ZNF506: variants seen among roughly 807,000 people sequenced by gnomAD.
ZNF506 encodes zinc finger protein 506.
A neutral mutation model predicts 11.6 loss-of-function variants in ZNF506; 10 were observed. The observed-to-expected ratio is 0.86, with a 90% CI of 0.53 to 1.46. The LOEUF is 1.46. ZNF506 is among the 40% of genes most tolerant of loss of function. The pLI, the probability that ZNF506 is intolerant of heterozygous loss-of-function variation, is 0.00. For synonymous variants in ZNF506, 156 were observed against 173.3 expected (o/e 0.90, Z 0.78); for missense variants, 425 against 521.2 (o/e 0.82, Z 1.80).
intron 3 of ZNF506, among the ~76,000 whole-genome samples, chr19:19,802,204 CA>C (rs34663133): frequency 0.26 from 25,388 of 97,448 alleles, 2,066 homozygotes; most frequent in East Asian, 0.35. Flanking sequence ...GACTCTATCT[CA>C]AAAAAAAAAA....
chr19:19,808,171 C>G (rs560141181), intron 1 of ZNF506, among the ~76,000 whole-genome samples: 1 of 124,292 alleles, frequency 8.0e-6, no homozygotes, highest in African/African-American at 3.2e-5. Flanking sequence ...TCGCCCAGGC[C>G]GGAGTGCAGT....
chr19:19,801,850 A>G (rs1319427263), intron 3 of ZNF506, among the ~76,000 whole-genome samples: 1 of 151,766 alleles, frequency 6.6e-6, no homozygotes, highest in Non-Finnish European at 1.5e-5. Context: ...CAAAACAATA[A>G]TAAGAGAAAT....
chr19:19,808,978 A>G (rs182146683), intron 1 of ZNF506, among the ~76,000 whole-genome samples: 1 of 152,146 alleles, frequency 6.6e-6, no homozygotes, highest in East Asian at 1.9e-4. Flanking sequence ...TCTCTTAATA[A>G]TTTTTTTCAG....
chr19:19,804,922 G>A (rs1383079158), intron 3 of ZNF506, among the ~76,000 whole-genome samples: 5 of 151,954 alleles, frequency 3.3e-5, no homozygotes, highest in Non-Finnish European at 5.9e-5. Flanking sequence ...ATCACACACC[G>A]GGGCCTGTCA....
rs757160026 is a variant in ZNF506 at position 19,808,108 on chromosome 19, C to CTTTTTTTTTTTTTTTTTTT, written c.4-1059_4-1041dup. On this transcript the variant is annotated intron_variant, in intron 1 of 3. Coordinates refer to ENST00000540806, the MANE Select transcript of ZNF506 (RefSeq NM_001099269.3). ...ACTTAACCAAGTGAATCATTAACCA[C>CTTTTTTTTTTTTTTTTTTT]TTTTTTTTTTTTTTTTTTTTTTTTT... Among the ~76,000 whole-genome samples, 9 of 56,728 alleles carry CTTTTTTTTTTTTTTTTTTT rather than the reference C, an allele frequency of 1.6e-4. 1 individual carries two copies. The highest frequency in any genetic ancestry group is 2.1e-4 in the Non-Finnish European group (7 of 32,912). 37.2% of individuals were successfully genotyped at this position (56,728 alleles called of 152,430 possible).
rs141767195 is a variant in ZNF506, at chr19:19,810,554, A to T, written c.4-3486T>A. Among the ~76,000 whole-genome samples the T allele has an allele frequency of 9.4e-3, 1,431 of 152,200 alleles. 11 individuals carry two copies. Among genetic ancestry groups the T allele is most frequent in the South Asian group, 0.03 (142 of 4,808 alleles). On this transcript the variant is annotated intron_variant, in intron 1 of 3. Coordinates refer to ENST00000540806, the MANE Select transcript of ZNF506 (RefSeq NM_001099269.3). ...TTTCTTCTATTTATCGGTCATCAAA[A>T]TTTTTTTAAAAATTGTATAGAATAA...
chr19:19,803,551 A>G (rs1445673807), intron 3 of ZNF506, among the ~76,000 whole-genome samples: 1 of 152,228 alleles, frequency 6.6e-6, no homozygotes, highest in African/African-American at 2.4e-5. Flanking sequence ...CAGTCTGTCC[A>G]AAAATAAAAT....
chr19:19,805,854 G>C (rs1244616925), intron 3 of ZNF506, among the ~76,000 whole-genome samples, 177 bp downstream of exon 3: 2 of 147,468 alleles, frequency 1.4e-5, no homozygotes, highest in African/African-American at 5.2e-5. Flanking sequence ...GACAGAAGAT[G>C]CCTCTTTGTG....
chr19:19,814,601 A>T (rs1228570552), intron 1 of ZNF506, among the ~76,000 whole-genome samples: 2 of 152,006 alleles, frequency 1.3e-5, no homozygotes, highest in East Asian at 1.9e-4. Context: ...TGCTATGGGT[A>T]GTATCTCAGT....
intron 1 of ZNF506, among the ~76,000 whole-genome samples, chr19:19,817,780 G>C (rs1294143272): frequency 6.6e-6 from 1 of 150,528 alleles, no homozygotes; most frequent in Non-Finnish European, 1.5e-5. Flanking sequence ...CAATAGTCCT[G>C]TGAAATTACT....
At chr19:19,809,889 G>T (rs1387779802) in intron 1 of ZNF506, among the ~76,000 whole-genome samples, 1 of 151,874 alleles carries the variant, frequency 6.6e-6, no homozygotes, top group Non-Finnish European at 1.5e-5. Context: ...TCACCTTAGA[G>T]TCATATGAGG....
Position 19,793,833 on chromosome 19 carries a change from C to T in ZNF506, c.*719G>A, listed in dbSNP as rs2145166748. On this transcript the variant is annotated 3_prime_UTR_variant, in exon 4 of 4. Transcript: ENST00000540806. ...AGTTTTGGCAGCATTAATTCTCTTA[C>T]CTACAATCAAGTGTGGCAACCATAT... The T allele has an allele frequency of 6.6e-6, 1 of 152,298 alleles. No homozygotes were observed. The allele number at this position is 152,298 out of a possible 1,614,324, so 9.4% of individuals were successfully genotyped here. A position where few individuals can be genotyped will look rare whatever the true frequency, so the allele number is the denominator to read the frequency against.
Position 19,792,757 on chromosome 19 carries a change from G to GA in ZNF506, c.*1794dup, listed in dbSNP as rs60044672. Among the ~76,000 whole-genome samples, 150,964 of 151,078 alleles carry GA rather than the reference G, an allele frequency of 1. 75,425 individuals are homozygous for GA. Among genetic ancestry groups the GA allele is most frequent in the Middle Eastern group, 1 (294 of 294 alleles). On this transcript the variant is annotated 3_prime_UTR_variant, in exon 4 of 4. Transcript: ENST00000540806. The stretch of plus-strand genomic sequence containing the variant: ...AATAAAGTAATTCATTATAATTTTT[G>GA]AAAAAAAAAGTTTTAAAATGGTCTG...
chr19:19,797,489 A>T (rs1446618193), intron 3 of ZNF506: 1 of 151,924 alleles, frequency 6.6e-6, no homozygotes, highest in African/African-American at 2.4e-5. Flanking sequence ...ACAAAGTGAA[A>T]CAGGAACACA....
intron 1 of ZNF506, among the ~76,000 whole-genome samples, chr19:19,815,360 T>C (rs1247549088): frequency 1.3e-5 from 2 of 152,104 alleles, no homozygotes; most frequent in African/African-American, 4.8e-5. Flanking sequence ...CAATGTCTAG[T>C]GTGTGTGTTC....
rs146885601 is a variant in ZNF506 at position 19,794,852 on chromosome 19, T to A, written c.1035A>T (p.Glu345Asp). The A allele has an allele frequency of 1.5e-3, 2,423 of 1,613,984 alleles. 24 individuals are homozygous for A. In the African/African-American group the frequency reaches 0.019, roughly 13 times the overall value. The stretch of plus-strand genomic sequence containing the variant: ...AGTACCAGGTAAAGGTTTTGCCACA[T>A]TCGTCACATTTGTAGGGTACATCTC... Reference protein sequence around the residue: ...HTGDVPYKCDECGKTFTWYSS... With the variant: ...HTGDVPYKCDDCGKTFTWYSS... The change falls in exon 4 of 4, where the codon GAA becomes GAT. Residue 345 changes from glutamate (E) to aspartate (D), a missense_variant. Transcript: ENST00000540806.
chr19:19,808,467 C>T (rs903163487), intron 1 of ZNF506, among the ~76,000 whole-genome samples: 2 of 151,614 alleles, frequency 1.3e-5, no homozygotes, highest in African/African-American at 4.8e-5. Flanking sequence ...TTATGATATG[C>T]TAATGCTCAC....
chr19:19,821,180 T>C lies in ZNF506; in HGVS notation c.3+421A>G, dbSNP rs1381298616. Among the ~76,000 whole-genome samples the C allele has an allele frequency of 2.0e-5, 3 of 152,138 alleles. No individual in the cohort carries two copies. In the East Asian group the frequency reaches 5.8e-4, roughly 29 times the overall value. On this transcript the variant is annotated intron_variant, in intron 1 of 3. Coordinates refer to ENST00000540806, the MANE Select transcript of ZNF506 (RefSeq NM_001099269.3). ...TCCCAACGTGCTGGGATTACAGGGG[T>C]GACCCACCACGCCCGGCCCAATAAA...
intron 3 of ZNF506, among the ~76,000 whole-genome samples, chr19:19,802,918 A>T (rs1018801978): frequency 6.6e-6 from 1 of 152,196 alleles, no homozygotes; most frequent in Non-Finnish European, 1.5e-5. Flanking sequence ...ACCTGTAATG[A>T]CAGCTTCATG....
Sources: gnomAD v4.1 joint callset for allele counts (sites outside exome capture counted in the v4.1 genomes callset) on GRCh38, gnomAD v4.1.1 for gene constraint, MANE v1.5 for transcripts, NCBI Gene and HGNC (gene_info 2026-07-23, HGNC 2026-07-21) for gene names.